The following ANKS1B variants were observed in gnomAD, a reference collection of about 807,000 sequenced individuals.
ANKS1B encodes ankyrin repeat and sterile alpha motif domain containing 1B.
ANKS1B carries 36 observed loss-of-function variants against 148.3 expected under a neutral mutation model. That is an observed-to-expected ratio of 0.24 (90% CI 0.19 to 0.32). The LOEUF is 0.32. Among genes scored for constraint, ANKS1B ranks in the 10% least tolerant of loss-of-function variants. ANKS1B has a pLI of 1.00. For missense variants in ANKS1B, 1,157 were observed against 1,542.6 expected, an observed-to-expected ratio of 0.75 and a Z score of 4.19; for synonymous variants, 542 against 560.8, an observed-to-expected ratio of 0.97 and a Z score of 0.47.
At chr12:99,980,738 C>T (rs1352432972) in intron 1 of ANKS1B, among the ~76,000 whole-genome samples, 1 of 151,996 alleles carries the variant, frequency 6.6e-6, no homozygotes, top group African/African-American at 2.4e-5. Context: ...ATGAAAAATA[C>T]TTATAAGAAA....
At chr12:99,971,600 T>C (rs1407777735) in intron 1 of ANKS1B, among the ~76,000 whole-genome samples, 3 of 146,180 alleles carry the variant, frequency 2.1e-5, no homozygotes, top group Non-Finnish European at 4.5e-5. Flanking sequence ...TAATAGTAAT[T>C]CAGGCCAAAA....
rs2075681426 is a variant in ANKS1B, at chr12:99,154,304, G to A, written c.2511C>T (p.Asp837=). The A allele has an allele frequency of 6.2e-7, 1 of 1,613,676 alleles. No homozygotes were observed. Among genetic ancestry groups the A allele is most frequent in the Non-Finnish European group, 8.5e-7 (1 of 1,179,668 alleles). Residue 837 remains aspartate, a synonymous_variant, in exon 15 of 27, where the codon GAC becomes GAT. Transcript: ENST00000683438. ...YENHLMANGF[D]NVQFMGSNVM... ...AGCTTCTTACCATAAACTGCACATT[G>A]TCAAATCCATTAGCCATCAGGTGGT...
chr12:99,242,104 T>C lies in ANKS1B; in HGVS notation c.2419+2238A>G, dbSNP rs138562160. Among the ~76,000 whole-genome samples the C allele has an allele frequency of 3.3e-4, 51 of 152,280 alleles. 2 individuals carry two copies. In the South Asian group the frequency reaches 5.2e-3, roughly 15 times the overall value. ...ATTAGAAAAAGAGGAAGTCAAATTGTCTCTGTTTGCAGATGATATGATTGT... is the reference window on the plus strand; with the variant it reads ...ATTAGAAAAAGAGGAAGTCAAATTGCCTCTGTTTGCAGATGATATGATTGT... On this transcript the variant is annotated intron_variant, in intron 14 of 26. Coordinates refer to ENST00000683438, the MANE Select transcript of ANKS1B (RefSeq NM_001352186.2).
chr12:99,458,779 G>T (rs1334678367), intron 10 of ANKS1B, among the ~76,000 whole-genome samples: 1 of 151,014 alleles, frequency 6.6e-6, no homozygotes, highest in Non-Finnish European at 1.5e-5. Context: ...AAAAGTTACC[G>T]AGAAAAAAAG....
chr12:99,235,126 T>C (rs1005206505), intron 14 of ANKS1B, among the ~76,000 whole-genome samples: 1 of 152,108 alleles, frequency 6.6e-6, no homozygotes, highest in African/African-American at 2.4e-5. Context: ...GGCAATATGA[T>C]AGGTAGAAAG....
chr12:99,266,704 G>A (rs1348476737), intron 12 of ANKS1B, among the ~76,000 whole-genome samples: 8 of 152,070 alleles, frequency 5.3e-5, no homozygotes, highest in East Asian at 1.9e-4. Flanking sequence ...CTACAGTCAC[G>A]GGTTTAAGGG....
chr12:98,997,981 T>A (rs1314759923), intron 17 of ANKS1B, among the ~76,000 whole-genome samples: 1 of 152,244 alleles, frequency 6.6e-6, no homozygotes, highest in Non-Finnish European at 1.5e-5. Flanking sequence ...CCCCTGATAA[T>A]GTTCATGAAT....
At chr12:98,987,103 C>A (rs1311157077) in intron 17 of ANKS1B, among the ~76,000 whole-genome samples, 1 of 151,026 alleles carries the variant, frequency 6.6e-6, no homozygotes, top group Non-Finnish European at 1.5e-5. Context: ...TAGTAGAATG[C>A]GATTTAAATA....
At position 98,829,989 on chromosome 12, in the gene ANKS1B, G is replaced by A. The variant is rs529922643; in HGVS notation, c.2887-636C>T. On this transcript the variant is annotated intron_variant, in intron 18 of 26. Transcript: ENST00000683438. This position sits in a 1 kb window ranked among gnomAD's most constrained non-coding sequence, Gnocchi z 5.2. ...GGATTGGGATCATGGTGTTTCTCCAGATCCCTTCTCCTCCGGATATTCTGG... is the reference window on the plus strand; with the variant it reads ...GGATTGGGATCATGGTGTTTCTCCAAATCCCTTCTCCTCCGGATATTCTGG... Among the ~76,000 whole-genome samples the A allele has an allele frequency of 9.8e-5, 15 of 152,324 alleles. No individual in the cohort carries two copies. The highest frequency in any genetic ancestry group is 4.6e-4 in the Admixed American group (7 of 15,302).
chr12:99,722,659 A>C (rs2058202047), intron 8 of ANKS1B, among the ~76,000 whole-genome samples: 1 of 152,244 alleles, frequency 6.6e-6, no homozygotes, highest in South Asian at 2.1e-4. Context: ...CACAACATCC[A>C]TTCTGCAGCC....
intron 17 of ANKS1B, among the ~76,000 whole-genome samples, chr12:98,929,802 T>C (rs1024048041): frequency 3.3e-5 from 5 of 151,978 alleles, no homozygotes; most frequent in African/African-American, 4.8e-5. Context: ...AAATGAATCA[T>C]AGGCCTAAAT....
intron 12 of ANKS1B, among the ~76,000 whole-genome samples, chr12:99,277,044 A>G (rs956929876): frequency 3.3e-5 from 5 of 152,132 alleles, no homozygotes; most frequent in African/African-American, 1.2e-4. Flanking sequence ...ACCTGTCATG[A>G]GGGCTTACTT....
At chr12:99,712,757 T>C (rs1004365839) in intron 8 of ANKS1B, among the ~76,000 whole-genome samples, 1 of 151,876 alleles carries the variant, frequency 6.6e-6, no homozygotes, top group South Asian at 2.1e-4. Flanking sequence ...TGGGAGAAAA[T>C]AGAAGGGGAA....
At chr12:99,358,654 C>T (rs2152419886) in intron 12 of ANKS1B, among the ~76,000 whole-genome samples, 1 of 151,378 alleles carries the variant, frequency 6.6e-6, no homozygotes, top group African/African-American at 2.4e-5. Flanking sequence ...AAAGTTCCTG[C>T]CTGCCCCTCA....
chr12:99,857,026 C>G (rs185060633), intron 1 of ANKS1B, among the ~76,000 whole-genome samples: 1 of 152,100 alleles, frequency 6.6e-6, no homozygotes, highest in Admixed American at 6.5e-5. Context: ...ATTGGAAGTC[C>G]TAGCCAGAGC....
intron 14 of ANKS1B, among the ~76,000 whole-genome samples, chr12:99,243,852 C>A (rs901218327): frequency 1.3e-5 from 2 of 152,038 alleles, no homozygotes; most frequent in Non-Finnish European, 2.9e-5. Context: ...GGGAACATCA[C>A]ATGCAAGGGC....
intron 14 of ANKS1B, among the ~76,000 whole-genome samples, chr12:99,232,349 T>C (rs2087010755): frequency 6.6e-6 from 1 of 152,210 alleles, no homozygotes; most frequent in Non-Finnish European, 1.5e-5. Flanking sequence ...TTTATACGAA[T>C]GCACTTGAGA....
At chr12:99,726,593 T>C (rs755883203) in intron 8 of ANKS1B, among the ~76,000 whole-genome samples, 1 of 152,122 alleles carries the variant, frequency 6.6e-6, no homozygotes, top group Non-Finnish European at 1.5e-5. Context: ...CTTCTGAATA[T>C]GATCCAAACA....
chr12:99,484,467 T>A (rs1424114281), intron 10 of ANKS1B, among the ~76,000 whole-genome samples: 5 of 152,004 alleles, frequency 3.3e-5, no homozygotes, highest in Non-Finnish European at 7.4e-5. Flanking sequence ...TATATTCTAT[T>A]GTTCTAGGGT....
Sources: gnomAD v4.1 joint callset for allele counts (sites outside exome capture counted in the v4.1 genomes callset) on GRCh38, gnomAD v4.1.1 for gene constraint, Gnocchi (gnomAD v3.1) non-coding constraint, MANE v1.5 for transcripts, NCBI Gene and HGNC (gene_info 2026-07-23, HGNC 2026-07-21) for gene names.